The following AKR1A1 variants were observed in gnomAD, a reference collection of about 807,000 sequenced individuals.
AKR1A1 encodes the protein aldo-keto reductase family 1 member A1, also known as HEL-S-165mP.
In AKR1A1, 26 loss-of-function variants were observed where a neutral mutation model predicts 39.2. The observed-to-expected ratio is 0.66, with a 90% CI of 0.49 to 0.92. The LOEUF is 0.92. Ranked by LOEUF, AKR1A1 falls within the 40% of genes least tolerant of loss-of-function variation. The pLI, the probability that AKR1A1 is intolerant of heterozygous loss-of-function variation, is 0.00. For missense variants in AKR1A1, 378 were observed against 406.5 expected, an observed-to-expected ratio of 0.93 and a Z score of 0.60; for synonymous variants, 141 against 155.5, an observed-to-expected ratio of 0.91 and a Z score of 0.69.
intron 1 of AKR1A1, among the ~76,000 whole-genome samples, chr1:45,558,877 G>A (rs1047204230): frequency 2.0e-5 from 3 of 152,114 alleles, no homozygotes; most frequent in East Asian, 1.9e-4. Flanking sequence ...TTAGAACCTG[G>A]AAACTAAGAT....
At chr1:45,555,777 T>C (rs1254504240) in intron 1 of AKR1A1, among the ~76,000 whole-genome samples, 3 of 152,126 alleles carry the variant, frequency 2.0e-5, no homozygotes, top group Non-Finnish European at 4.4e-5. Flanking sequence ...ATATCAGAAC[T>C]GAGATTCAAA....
chr1:45,560,373 G>A (rs1644262225), intron 1 of AKR1A1, among the ~76,000 whole-genome samples: 1 of 152,182 alleles, frequency 6.6e-6, no homozygotes, highest in Non-Finnish European at 1.5e-5. Flanking sequence ...AGCAACTCAG[G>A]GTGCTGAAGT....
intron 1 of AKR1A1, among the ~76,000 whole-genome samples, 177 bp from the exon 2 acceptor site, chr1:45,561,612 C>G (rs1644278321): frequency 6.6e-6 from 1 of 152,042 alleles, no homozygotes; most frequent in Non-Finnish European, 1.5e-5. Context: ...CCATGTTGAC[C>G]CAACTGGTCT....
rs1225389003 is a variant in AKR1A1, at chr1:45,568,576, C to T, written c.644C>T (p.Ser215Phe). 4.3e-6 allele frequency: 7 copies of T among 1,613,946 alleles called. No homozygotes were observed. Among genetic ancestry groups the T allele is most frequent in the Non-Finnish European group, 5.9e-6 (7 of 1,179,952 alleles). The change falls in exon 6 of 9, where the codon TCC becomes TTC. Residue 215 changes from serine to phenylalanine, a missense_variant. By Grantham distance (155) the Ser-to-Phe change is radical (BLOSUM62 -2). Transcript: ENST00000351829. The part of the protein sequence containing the change: ...LEVTAYSPLG[S>F]SDRAWRDPDE... ...GTAACTGCTTATAGCCCTTTGGGCT[C>T]CTCTGATCGTGCATGGCGTGATCCT...
chr1:45,552,958 G>A (rs761294327), intron 1 of AKR1A1, among the ~76,000 whole-genome samples: 8 of 151,442 alleles, frequency 5.3e-5, no homozygotes, highest in Admixed American at 1.3e-4. Flanking sequence ...AACCCTCTCC[G>A]TACTAAAAAT....
chr1:45,564,477 A>T (rs1476630085), intron 2 of AKR1A1, among the ~76,000 whole-genome samples: 1 of 152,114 alleles, frequency 6.6e-6, no homozygotes, highest in Non-Finnish European at 1.5e-5. Context: ...CCATCCTTCT[A>T]TCTGATGCCT....
chr1:45,568,922 C>T lies in AKR1A1; in HGVS notation c.753-5C>T, dbSNP rs377222600. Reference sequence around the variant, plus strand: ...TTTCCTCATCTGTCTAATCCCCCAACTTAGGTGGCAGGTCCAGCGGAAAGT... The same window carrying T: ...TTTCCTCATCTGTCTAATCCCCCAATTTAGGTGGCAGGTCCAGCGGAAAGT... On this transcript the variant is annotated splice_polypyrimidine_tract_variant and splice_region_variant and intron_variant, in intron 6 of 8. Coordinates refer to ENST00000351829, the MANE Select transcript of AKR1A1 (RefSeq NM_153326.3). The T allele has an allele frequency of 5.6e-5, 90 of 1,614,170 alleles. No homozygotes were observed. The Middle Eastern group carries it at 1.6e-3, about 30-fold the overall frequency.
chr1:45,552,029 T>C (rs1219584982), intron 1 of AKR1A1, among the ~76,000 whole-genome samples: 6 of 149,514 alleles, frequency 4.0e-5, no homozygotes, highest in Admixed American at 3.4e-4. Flanking sequence ...ATGGGACAGG[T>C]ACTCTAGGAG....
intron 1 of AKR1A1, among the ~76,000 whole-genome samples, chr1:45,553,838 C>T (rs920931430): frequency 6.6e-6 from 1 of 150,902 alleles, no homozygotes; most frequent in Non-Finnish European, 1.5e-5. Context: ...CTAAAAAATA[C>T]AAAAAAATTA....
Position 45,561,805 on chromosome 1 carries a change from C to G in AKR1A1, c.11C>G (p.Ser4Cys), listed in dbSNP as rs61733010. Residue 4 changes from serine to cysteine, a missense_variant, in exon 2 of 9, where the codon TCC (serine) becomes TGC (cysteine). Coordinates refer to ENST00000351829, the MANE Select transcript of AKR1A1 (RefSeq NM_153326.3). ...GTGTTTCAGGGGGCAATGGCGGCTT[C>G]CTGTGTTCTACTGCACACTGGGCAG... MAASCVLLHTGQKM... is the reference protein window; with the variant it reads MAACCVLLHTGQKM... 6.2e-7 allele frequency: 1 copy of G among 1,614,114 alleles called. No individual in the cohort carries two copies. The highest frequency in any genetic ancestry group is 1.1e-5 in the South Asian group (1 of 91,086).
intron 1 of AKR1A1, among the ~76,000 whole-genome samples, chr1:45,557,006 A>G (rs575867794): frequency 2.6e-4 from 40 of 151,940 alleles, no homozygotes; most frequent in African/African-American, 9.2e-4. Flanking sequence ...CCTGGCCAAC[A>G]TGGTGAAACC....
Position 45,561,773 on chromosome 1 carries a change from C to G in AKR1A1, c.-6-16C>G, listed in dbSNP as rs1053329463. On this transcript the variant is annotated splice_polypyrimidine_tract_variant and intron_variant, in intron 1 of 8. Transcript: ENST00000351829. ...GCACTAACCCCAACACCATTCTCTT[C>G]CCATCTGTGTTTCAGGGGGCAATGG... The G allele has an allele frequency of 7.4e-6, 12 of 1,612,520 alleles. No individual in the cohort carries two copies. In the African/African-American group the frequency reaches 1.2e-4, roughly 16 times the overall value.
At chr1:45,554,616 A>G (rs1644176628) in intron 1 of AKR1A1, among the ~76,000 whole-genome samples, 1 of 152,194 alleles carries the variant, frequency 6.6e-6, no homozygotes, top group Admixed American at 6.6e-5. Flanking sequence ...CTCCTCACCA[A>G]CTACTTATCA....
intron 1 of AKR1A1, among the ~76,000 whole-genome samples, chr1:45,558,804 A>G (rs1570897602): frequency 6.6e-6 from 1 of 152,324 alleles, no homozygotes; most frequent in South Asian, 2.1e-4. Flanking sequence ...TGCTAGGATT[A>G]CAGGTGTGAG....
intron 4 of AKR1A1, chr1:45,567,584 T>G: frequency 6.2e-6 from 1 of 160,494 alleles, no homozygotes; most frequent in Non-Finnish European, 1.4e-5. Flanking sequence ...TCCCAGCACT[T>G]TGGGAGGCTA....
chr1:45,566,167 G>A (rs968217362), intron 2 of AKR1A1, among the ~76,000 whole-genome samples: 3 of 151,946 alleles, frequency 2.0e-5, no homozygotes, highest in Admixed American at 1.3e-4. Context: ...GAAGTGCAGT[G>A]GCACAATCTC....
chr1:45,567,801 T>A, intron 4 of AKR1A1, 181 bp from the exon 5 acceptor site: 3 of 548,400 alleles, frequency 5.5e-6, no homozygotes, highest in Non-Finnish European at 9.4e-6. Context: ...CACTCCAGCC[T>A]GGGCGGTAAA....
intron 2 of AKR1A1, among the ~76,000 whole-genome samples, chr1:45,564,094 G>A (rs540717403): frequency 2.6e-5 from 4 of 152,330 alleles, no homozygotes; most frequent in African/African-American, 9.6e-5. Context: ...TCTTCTATCT[G>A]GGATTTAGAC....
chr1:45,558,474 C>T (rs1324984190), intron 1 of AKR1A1, among the ~76,000 whole-genome samples: 1 of 149,858 alleles, frequency 6.7e-6, no homozygotes, highest in Non-Finnish European at 1.5e-5. Context: ...TCTCGGCTCA[C>T]TGCAACCTCC....
Sources: gnomAD v4.1 joint callset for allele counts (sites outside exome capture counted in the v4.1 genomes callset) on GRCh38, gnomAD v4.1.1 for gene constraint, MANE v1.5 for transcripts, NCBI Gene and HGNC (gene_info 2026-07-23, HGNC 2026-07-21) for gene names.